Variants in GLRA3 observed in about 807,000 individuals in gnomAD.
GLRA3 encodes the protein glycine receptor subunit alpha-3.
A neutral mutation model predicts 60.4 loss-of-function variants in GLRA3; 44 were observed. The ratio of observed to expected loss-of-function variants is 0.73; its 90% CI spans 0.57 to 0.94. The LOEUF is 0.94. Among genes scored for constraint, GLRA3 ranks in the 40% least tolerant of loss-of-function variants. The pLI, the probability that GLRA3 is intolerant of heterozygous loss-of-function variation, is 0.00. For synonymous variants in GLRA3, 223 were observed against 192.9 expected (o/e 1.16, Z -1.29); for missense variants, 508 against 564.6 (o/e 0.90, Z 1.02).
intron 3 of GLRA3, among the ~76,000 whole-genome samples, chr4:174,747,726 G>C (rs115904914): frequency 1.1e-4 from 17 of 152,258 alleles, no homozygotes; most frequent in Non-Finnish European, 2.4e-4. Flanking sequence ...CTGACTCAAT[G>C]AGATAGCAAA....
intron 5 of GLRA3, among the ~76,000 whole-genome samples, chr4:174,698,283 C>T (rs1335467181): frequency 6.6e-6 from 1 of 152,000 alleles, no homozygotes; most frequent in African/African-American, 2.4e-5. Context: ...CATCAAACTC[C>T]GGGACAAAAG....
At chr4:174,746,575 T>A (rs1737258931) in intron 3 of GLRA3, among the ~76,000 whole-genome samples, 1 of 152,164 alleles carries the variant, frequency 6.6e-6, no homozygotes, top group South Asian at 2.1e-4. Flanking sequence ...AAATAAATTC[T>A]AGAGTTTGAT....
At chr4:174,779,922 A>C (rs1446874753) in intron 2 of GLRA3, among the ~76,000 whole-genome samples, 1 of 151,672 alleles carries the variant, frequency 6.6e-6, no homozygotes, top group African/African-American at 2.4e-5. Flanking sequence ...TCCCCAATCT[A>C]GCAAGGCAGG....
intron 1 of GLRA3, among the ~76,000 whole-genome samples, chr4:174,793,535 G>A (rs1192614700): frequency 4.6e-5 from 7 of 151,638 alleles, no homozygotes; most frequent in Admixed American, 6.6e-5. Context: ...TCCCCGCAAC[G>A]TTGAACTTCT....
At chr4:174,783,328 T>C (rs1202378004) in intron 2 of GLRA3, among the ~76,000 whole-genome samples, 1 of 137,894 alleles carries the variant, frequency 7.3e-6, no homozygotes, top group Middle Eastern at 3.4e-3. Context: ...TCAGGATGGA[T>C]TAAAGACTTA....
chr4:174,701,297 C>T (rs984545814), intron 5 of GLRA3, among the ~76,000 whole-genome samples: 21 of 152,102 alleles, frequency 1.4e-4, no homozygotes, highest in Admixed American at 1.3e-3. Context: ...ATGGAACAAG[C>T]CTGGATGACA....
intron 1 of GLRA3, among the ~76,000 whole-genome samples, chr4:174,824,133 T>G (rs1560821666): frequency 6.6e-6 from 1 of 152,214 alleles, no homozygotes; most frequent in Non-Finnish European, 1.5e-5. Context: ...TGCAAGCATC[T>G]TAACCTCAAA....
chr4:174,656,880 T>C, intron 8 of GLRA3, 93 bp from the exon 9 acceptor site: 1 of 742,800 alleles, frequency 1.3e-6, no homozygotes, highest in Non-Finnish European at 2.4e-6. Flanking sequence ...GTTGTAATTG[T>C]ATATACCATT....
intron 7 of GLRA3, among the ~76,000 whole-genome samples, chr4:174,666,759 T>A (rs199993708): frequency 9.4e-5 from 5 of 53,426 alleles, no homozygotes; most frequent in East Asian, 8.1e-4. Flanking sequence ...TATATATATA[T>A]TATATATATA....
intron 3 of GLRA3, among the ~76,000 whole-genome samples, chr4:174,751,064 T>C (rs1349958630): frequency 8.1e-6 from 1 of 123,072 alleles, no homozygotes; most frequent in African/African-American, 3.1e-5. Flanking sequence ...TCTGTCTGTC[T>C]ATCTATCTAT....
rs1015971078 is a variant in GLRA3 at position 174,762,081 on chromosome 4, A to T, written c.267+4882T>A. On this transcript the variant is annotated intron_variant, in intron 3 of 9. Transcript: ENST00000274093. ...AATGAATGCATAAACCATGTAAAAA[A>T]TATGTGCAGTCAAAACATTTAGAAG... Among the ~76,000 whole-genome samples the T allele has an allele frequency of 1.3e-5, 2 of 152,306 alleles. 1 individual carries two copies. Among genetic ancestry groups the T allele is most frequent in the South Asian group, 4.1e-4 (2 of 4,834 alleles).
At chr4:174,740,501 A>G (rs183673958) in intron 3 of GLRA3, among the ~76,000 whole-genome samples, 2 of 152,328 alleles carry the variant, frequency 1.3e-5, no homozygotes, top group Admixed American at 1.3e-4. Flanking sequence ...GAGATTTTAT[A>G]TCAATGACAA....
intron 7 of GLRA3, among the ~76,000 whole-genome samples, chr4:174,674,987 C>G (rs764908973): frequency 6.6e-6 from 1 of 152,072 alleles, no homozygotes; most frequent in Admixed American, 6.6e-5. Context: ...TTTTGTTTAT[C>G]CTGGGTCCTT....
At position 174,642,584 on chromosome 4, in the gene GLRA3, G is replaced by A; in HGVS notation, c.*1202C>T. The stretch of plus-strand genomic sequence containing the variant: ...TCTGTTTTTGTTGAAGTAATCCCAT[G>A]GGGTCATTGAAAAATTTTATGTAAA... On this transcript the variant is annotated 3_prime_UTR_variant, in exon 10 of 10. Coordinates refer to ENST00000274093, the MANE Select transcript of GLRA3 (RefSeq NM_006529.4). 1.0e-6 allele frequency: 1 copy of A among 967,384 alleles called. No homozygotes were observed. The highest frequency in any genetic ancestry group is 1.2e-6 in the Non-Finnish European group (1 of 813,674). 59.9% of individuals were successfully genotyped at this position (967,384 alleles called of 1,614,324 possible). A position where few individuals can be genotyped will look rare whatever the true frequency, so the allele number is the denominator to read the frequency against.
intron 5 of GLRA3, among the ~76,000 whole-genome samples, chr4:174,685,229 C>T (rs1036670046): frequency 1.3e-5 from 2 of 151,926 alleles, no homozygotes; most frequent in African/African-American, 2.4e-5. Context: ...CTCCCCAATA[C>T]CTGGGAAAAA....
intron 5 of GLRA3, among the ~76,000 whole-genome samples, chr4:174,689,191 G>T (rs1734684545): frequency 6.6e-6 from 1 of 152,112 alleles, no homozygotes; most frequent in Admixed American, 6.6e-5. Context: ...AAAACAATAA[G>T]AAGCATTTGG....
intron 5 of GLRA3, among the ~76,000 whole-genome samples, chr4:174,703,763 A>G (rs1735411839): frequency 6.6e-6 from 1 of 152,244 alleles, no homozygotes; most frequent in Admixed American, 6.5e-5. Context: ...GCGGATTTAT[A>G]TAACTTATAT....
intron 1 of GLRA3, among the ~76,000 whole-genome samples, chr4:174,813,899 G>A (rs1450860614): frequency 6.6e-6 from 1 of 152,152 alleles, no homozygotes; most frequent in Non-Finnish European, 1.5e-5. Flanking sequence ...TGAAACAGAT[G>A]CCTTGGCGGG....
chr4:174,638,830 CAAT>C lies in GLRA3; in HGVS notation c.*4953_*4955del, dbSNP rs1344164085. On this transcript the variant is annotated 3_prime_UTR_variant, in exon 10 of 10. Transcript: ENST00000274093. ...CAGTGCCAGGCACACATAAGGTACT[CAAT>C]GAATATTTGTTTAATCAATGATTAA... 6.6e-6 allele frequency: 1 copy of C among 152,136 alleles called. No homozygotes were observed. The highest frequency in any genetic ancestry group is 2.4e-5 in the African/African-American group (1 of 41,428). 9.4% of individuals were successfully genotyped at this position (152,136 alleles called of 1,614,324 possible).
Sources: gnomAD v4.1 joint callset for allele counts (sites outside exome capture counted in the v4.1 genomes callset) on GRCh38, gnomAD v4.1.1 for gene constraint, MANE v1.5 for transcripts, NCBI Gene and HGNC (gene_info 2026-07-23, HGNC 2026-07-21) for gene names.